PCDHGA6: variants seen among roughly 807,000 people sequenced by gnomAD.
The protein encoded by PCDHGA6 is protocadherin gamma subfamily A, 6.
PCDHGA6 carries 41 observed loss-of-function variants against 60.6 expected under a neutral mutation model. That is an observed-to-expected ratio of 0.68 (90% CI 0.53 to 0.88). The LOEUF (loss-of-function observed/expected upper bound fraction) is 0.88, where lower values mean the gene tolerates loss of function less well. Among genes scored for constraint, PCDHGA6 ranks in the 40% least tolerant of loss-of-function variants. The probability of loss-of-function intolerance (pLI) is 0.00; values close to 1 mark genes in which losing one functional copy is unlikely to be tolerated. For missense variants in PCDHGA6, 1,312 were observed against 1,203.0 expected (o/e 1.09, Z -1.34); for synonymous variants, 594 against 524.4 (o/e 1.13, Z -1.81).
rs763012052 is a variant in PCDHGA6, at chr5:141,376,302, T to C, written c.2219T>C (p.Phe740Ser). 2 of 1,614,166 alleles carry C rather than the reference T, an allele frequency of 1.2e-6. No individual in the cohort carries two copies. The highest frequency in any genetic ancestry group is 2.2e-5 in the South Asian group (2 of 91,086). The change falls in exon 1 of 4, where the codon TTT becomes TCT. Residue 740 changes from phenylalanine to serine, a missense_variant. Coordinates refer to ENST00000517434, the MANE Select transcript of PCDHGA6 (RefSeq NM_018919.3). Reference protein sequence around the residue: ...GGLASMPGSHFVGVEGVRAFL... With the variant: ...GGLASMPGSHSVGVEGVRAFL... ...TTAGCGAGCATGCCCGGCTCGCACT[T>C]TGTGGGCGTGGAAGGGGTTCGGGCT...
At position 141,477,811 on chromosome 5, in the gene PCDHGA6, C is replaced by T. The variant is rs1211574518; in HGVS notation, c.2425-16996C>T. The T allele has an allele frequency of 6.2e-7, 1 of 1,614,164 alleles. No homozygotes were observed. The highest frequency in any genetic ancestry group is 8.5e-7 in the Non-Finnish European group (1 of 1,180,026). ...TCACTGATCGCAATGACAATGCCCC[C>T]CAGGTCCTATATCCTCGGCCAGGTG... is the stretch of plus-strand genomic sequence containing the variant. On this transcript the variant is annotated intron_variant, in intron 1 of 3. Transcript: ENST00000517434. The surrounding 1 kb of genome is among the most constrained non-coding windows in gnomAD (Gnocchi z 4.9).
Position 141,423,176 on chromosome 5 carries a change from A to C in PCDHGA6, c.2424+46669A>C, listed in dbSNP as rs781125798. Reference sequence around the variant, plus strand: ...AGCCTCGTGGTGGCCGTCCAGGACCACGGCCAGCCCCCTCTCTCGGCCACC... The same window carrying C: ...AGCCTCGTGGTGGCCGTCCAGGACCCCGGCCAGCCCCCTCTCTCGGCCACC... On this transcript the variant is annotated intron_variant, in intron 1 of 3. Transcript: ENST00000517434. 1.7e-5 allele frequency: 28 copies of C among 1,613,356 alleles called. No homozygotes were observed. In the African/African-American group the frequency reaches 3.6e-4, roughly 21 times the overall value.
At chr5:141,393,322 A>C (rs780040037) in intron 1 of PCDHGA6, 21 of 1,611,334 alleles carry the variant, frequency 1.3e-5, no homozygotes, top group Middle Eastern at 1.6e-4. Context: ...CTCCAGAGCT[A>C]CCAGCTCAGC....
chr5:141,393,484 G>A, intron 1 of PCDHGA6: 1 of 1,614,058 alleles, frequency 6.2e-7, no homozygotes, highest in Non-Finnish European at 8.5e-7. Context: ...CCTCGCTCTA[G>A]CACAGTGCGC....
intron 1 of PCDHGA6, chr5:141,409,130 G>C (rs1265386524): frequency 2.5e-6 from 4 of 1,613,994 alleles, no homozygotes; most frequent in Non-Finnish European, 3.4e-6. Flanking sequence ...ATTTGATTTT[G>C]AAGATGTAGA....
rs1308700957 is a variant in PCDHGA6, at chr5:141,375,316, C to T, written c.1233C>T (p.Asp411=). The T allele has an allele frequency of 2.5e-6, 4 of 1,613,660 alleles. No homozygotes were observed. The highest frequency in any genetic ancestry group is 2.2e-5 in the South Asian group (2 of 91,072). The change falls in exon 1 of 4, where the codon GAC becomes GAT. Residue 411 remains aspartate, a synonymous_variant. Transcript: ENST00000517434. ...GATTAGTGACAAATGCAGCTCTAGA[C>T]CGGGAAGAGGTATTCTTGTACAACA... ...YYRLVTNAAL[D]REEVFLYNIT...
At chr5:141,430,716 G>T (rs1327065498) in intron 1 of PCDHGA6, 2 of 1,487,962 alleles carry the variant, frequency 1.3e-6, no homozygotes, top group African/African-American at 2.8e-5. Context: ...CCTGACTTCA[G>T]TGGTTAAGGG....
chr5:141,422,508 C>T (rs2096653251), intron 1 of PCDHGA6: 1 of 1,613,984 alleles, frequency 6.2e-7, no homozygotes, highest in Non-Finnish European at 8.5e-7. Flanking sequence ...CAGCCACAGA[C>T]CAGGGAAGCC....
Position 141,399,060 on chromosome 5 carries a change from T to C in PCDHGA6, c.2424+22553T>C, listed in dbSNP as rs903637711. 1.9e-5 allele frequency: 31 copies of C among 1,613,868 alleles called. No homozygotes were observed. In the African/African-American group the frequency reaches 2.8e-4, roughly 15 times the overall value. ...TGGATTTTGAAGAGACCAAGGAATA[T>C]TCAATGGTTGTAGAAGGGAGGGATG... On this transcript the variant is annotated intron_variant, in intron 1 of 3. Coordinates refer to ENST00000517434, the MANE Select transcript of PCDHGA6 (RefSeq NM_018919.3).
intron 1 of PCDHGA6, chr5:141,394,832 C>G: frequency 1.9e-6 from 3 of 1,613,828 alleles, no homozygotes; most frequent in Non-Finnish European, 2.5e-6. Context: ...AAGTCCTGAC[C>G]GAGTTGGGCA....
chr5:141,404,738 A>C (rs1361110725), intron 1 of PCDHGA6: 24 of 1,613,674 alleles, frequency 1.5e-5, no homozygotes, highest in Non-Finnish European at 1.9e-5. Flanking sequence ...GGCAGTGGAC[A>C]GAGACTCAGG....
chr5:141,446,692 G>T (rs543476108), intron 1 of PCDHGA6, among the ~76,000 whole-genome samples: 2 of 152,280 alleles, frequency 1.3e-5, no homozygotes, highest in African/African-American at 4.8e-5. Context: ...TGGCCAGGCT[G>T]GTCTCGAACT....
At chr5:141,390,051 A>G in intron 1 of PCDHGA6, 1 of 1,613,978 alleles carries the variant, frequency 6.2e-7, no homozygotes, top group Non-Finnish European at 8.5e-7. Context: ...CGCCTCCTGG[A>G]GCTGCTTCCA....
intron 1 of PCDHGA6, chr5:141,404,247 T>C: frequency 6.2e-7 from 1 of 1,613,870 alleles, no homozygotes; most frequent in Non-Finnish European, 8.5e-7. Flanking sequence ...ACTCCGCCCC[T>C]GTCCACAGAA....
chr5:141,452,015 C>T (rs2098730990), intron 1 of PCDHGA6, among the ~76,000 whole-genome samples: 1 of 152,306 alleles, frequency 6.6e-6, no homozygotes, highest in African/African-American at 2.4e-5. Context: ...GTCCAGCCCA[C>T]ACTCTGGGGA....
chr5:141,410,682 C>T (rs1589771736), intron 1 of PCDHGA6: 2 of 1,531,954 alleles, frequency 1.3e-6, no homozygotes, highest in South Asian at 1.2e-5. Context: ...ATATTTTAGG[C>T]ATACTACTTT....
intron 1 of PCDHGA6, among the ~76,000 whole-genome samples, chr5:141,436,742 G>A (rs568532036): frequency 3.9e-4 from 59 of 152,304 alleles, no homozygotes; most frequent in Non-Finnish European, 7.1e-4. Flanking sequence ...ATTTTTGTGT[G>A]CTTCTCCATA....
chr5:141,400,780 T>C, intron 1 of PCDHGA6: 1 of 566,270 alleles, frequency 1.8e-6, no homozygotes, highest in Non-Finnish European at 3.1e-6. Context: ...TGGTGCGTTT[T>C]TTTGTCCTCT....
rs992592523 is a variant in PCDHGA6 at position 141,432,710 on chromosome 5, C to T, written c.2424+56203C>T. ...CGTAGTGGCCGTCCAGGACCACGGC[C>T]AGCCCCCTCTCTCCGCCACTGTCAC... On this transcript the variant is annotated intron_variant, in intron 1 of 3. Coordinates refer to ENST00000517434, the MANE Select transcript of PCDHGA6 (RefSeq NM_018919.3). This position sits in a 1 kb window ranked among gnomAD's most constrained non-coding sequence, Gnocchi z 6.0. The T allele has an allele frequency of 6.2e-7, 1 of 1,613,884 alleles. No homozygotes were observed.
Sources: allele counts gnomAD v4.1 joint callset (sites outside exome capture counted in the v4.1 genomes callset), GRCh38; gene constraint gnomAD v4.1.1; non-coding constraint Gnocchi (gnomAD v3.1); transcripts MANE v1.5; gene names NCBI Gene and HGNC (gene_info 2026-07-23, HGNC 2026-07-21).